Variants in ATF6 observed in about 807,000 individuals in gnomAD.
The protein encoded by ATF6 is activating transcription factor 6.
Under a neutral mutation model 83.6 loss-of-function variants are expected in ATF6, and 53 were observed. The observed-to-expected ratio is 0.63, with a 90% confidence interval of 0.51 to 0.80. The LOEUF is 0.80. Ranked by LOEUF, ATF6 falls within the 30% of genes least tolerant of loss-of-function variation. The pLI, the probability that ATF6 is intolerant of heterozygous loss-of-function variation, is 0.00. For synonymous variants in ATF6, 288 were observed against 285.8 expected (o/e 1.01, Z -0.08); for missense variants, 744 against 797.9 (o/e 0.93, Z 0.81).
At chr1:161,922,220 T>A (rs1033063769) in intron 15 of ATF6, among the ~76,000 whole-genome samples, 1 of 152,236 alleles carries the variant, frequency 6.6e-6, no homozygotes, top group Non-Finnish European at 1.5e-5. Context: ...GAACCAGCGG[T>A]GGATTTTCAG....
chr1:161,812,665 C>G (rs1022787308), intron 7 of ATF6, among the ~76,000 whole-genome samples: 32 of 151,876 alleles, frequency 2.1e-4, no homozygotes, highest in African/African-American at 7.2e-4. Context: ...GTGCTGGGAT[C>G]ACAGGCGTGA....
chr1:161,942,225 A>T (rs1329114797), intron 15 of ATF6, among the ~76,000 whole-genome samples: 1 of 152,236 alleles, frequency 6.6e-6, no homozygotes, highest in Non-Finnish European at 1.5e-5. Flanking sequence ...ACAGGAAAAC[A>T]GCAATCATTG....
At chr1:161,864,725 G>T (rs1212478121) in intron 14 of ATF6, among the ~76,000 whole-genome samples, 1 of 152,166 alleles carries the variant, frequency 6.6e-6, no homozygotes, top group Admixed American at 6.5e-5. Flanking sequence ...GACATAACTG[G>T]TATGTTTCTG....
chr1:161,914,094 A>T (rs1446607591), intron 15 of ATF6, among the ~76,000 whole-genome samples: 1 of 152,206 alleles, frequency 6.6e-6, no homozygotes, highest in African/African-American at 2.4e-5. Context: ...TAGTCTTTTT[A>T]AAAACTTCCC....
At chr1:161,923,020 A>G (rs1558026918) in intron 15 of ATF6, among the ~76,000 whole-genome samples, 1 of 152,060 alleles carries the variant, frequency 6.6e-6, no homozygotes, top group Non-Finnish European at 1.5e-5. Flanking sequence ...CCTCCAGGCT[A>G]TCTCCTACCC....
At chr1:161,904,779 C>T (rs1411013740) in intron 14 of ATF6, among the ~76,000 whole-genome samples, 1 of 152,118 alleles carries the variant, frequency 6.6e-6, no homozygotes, top group Non-Finnish European at 1.5e-5. Context: ...TATATAGTAT[C>T]ATACCTCCAT....
At chr1:161,778,199 TAATTG>T in intron 1 of ATF6, 40 bp from the exon 2 acceptor site, 2 of 1,516,526 alleles carry the variant, frequency 1.3e-6, no homozygotes, top group Non-Finnish European at 9.1e-7. Flanking sequence ...CTTTGTCAAA[TAATTG>T]AATTGACAGT....
intron 14 of ATF6, among the ~76,000 whole-genome samples, chr1:161,909,488 G>A (rs901836911): frequency 2.0e-5 from 3 of 151,460 alleles, no homozygotes; most frequent in African/African-American, 7.3e-5. Flanking sequence ...CTATTTTAAT[G>A]TTACAGAGGA....
intron 15 of ATF6, among the ~76,000 whole-genome samples, chr1:161,938,148 G>T (rs778379428): frequency 6.6e-6 from 1 of 152,102 alleles, no homozygotes; most frequent in Non-Finnish European, 1.5e-5. Flanking sequence ...TAGGGCCTTT[G>T]CATCTACTGT....
At chr1:161,864,562 G>A (rs1205614411) in intron 14 of ATF6, among the ~76,000 whole-genome samples, 2 of 152,166 alleles carry the variant, frequency 1.3e-5, no homozygotes, top group Non-Finnish European at 2.9e-5. Context: ...TTTAGGACCA[G>A]AGAACTTTGA....
intron 14 of ATF6, among the ~76,000 whole-genome samples, chr1:161,911,432 A>G (rs1687989929): frequency 6.6e-6 from 1 of 152,138 alleles, no homozygotes. Flanking sequence ...AAACACTTAT[A>G]CTCTGCCTTT....
At chr1:161,945,396 CTTGGGTTAAAGGCAGTTCTAT>C (rs1276424662) in intron 15 of ATF6, among the ~76,000 whole-genome samples, 2 of 152,164 alleles carry the variant, frequency 1.3e-5, no homozygotes, top group African/African-American at 4.8e-5. Flanking sequence ...TATATCTGCA[CTTGGGTTAAAGGCAGTTCTAT>C]TAATTTCTTT....
At chr1:161,939,446 T>C (rs1258659844) in intron 15 of ATF6, among the ~76,000 whole-genome samples, 2 of 152,216 alleles carry the variant, frequency 1.3e-5, no homozygotes, top group African/African-American at 4.8e-5. Context: ...GGTGATCTTA[T>C]TCAATCACAT....
At chr1:161,918,836 G>T (rs1688149689) in intron 15 of ATF6, among the ~76,000 whole-genome samples, 2 of 152,184 alleles carry the variant, frequency 1.3e-5, no homozygotes, top group Non-Finnish European at 2.9e-5. Context: ...CAGAAATTCA[G>T]ATTTTATTGA....
intron 1 of ATF6, among the ~76,000 whole-genome samples, chr1:161,768,448 A>C (rs4657101): frequency 0.23 from 35,432 of 152,096 alleles, 4,526 homozygotes; most frequent in Admixed American, 0.37. Flanking sequence ...TTCAGTAAGT[A>C]GGATAGATTT....
chr1:161,854,782 G>T (rs1686721255), intron 12 of ATF6, among the ~76,000 whole-genome samples: 1 of 152,066 alleles, frequency 6.6e-6, no homozygotes, highest in Admixed American at 6.5e-5. Flanking sequence ...TGAGGCAGGA[G>T]AATGGCATGA....
In ATF6 at chr1:161,792,293, A is replaced by T; in HGVS notation, c.654A>T (p.Gln218His). ...CGCTTATGCCATTGGCAAAGCAGCA[A>T]CCAATTATCAGTTTACAACCTGCAC... is the stretch of plus-strand genomic sequence containing the variant. ...VPTLMPLAKQ[Q>H]PIISLQPAPT... Residue 218 changes from glutamine (Q) to histidine (H), a missense_variant, in exon 6 of 16, where the codon CAA (glutamine) becomes CAT (histidine). Transcript: ENST00000367942. The T allele has an allele frequency of 6.2e-7, 1 of 1,614,070 alleles. No individual in the cohort carries two copies. Among genetic ancestry groups the T allele is most frequent in the South Asian group, 1.1e-5 (1 of 91,082 alleles).
chr1:161,825,118 C>G (rs1192090908), intron 9 of ATF6, among the ~76,000 whole-genome samples: 1 of 152,076 alleles, frequency 6.6e-6, no homozygotes, highest in Non-Finnish European at 1.5e-5. Flanking sequence ...CTCTGTTGCC[C>G]AGGCTGGAGT....
chr1:161,860,822 C>A (rs565289990), intron 13 of ATF6, among the ~76,000 whole-genome samples: 1 of 152,168 alleles, frequency 6.6e-6, no homozygotes, highest in Non-Finnish European at 1.5e-5. Context: ...ATGCATTTTT[C>A]ACTACACAAT....
Sources: gnomAD v4.1 joint callset for allele counts (sites outside exome capture counted in the v4.1 genomes callset) on GRCh38, gnomAD v4.1.1 for gene constraint, MANE v1.5 for transcripts, NCBI Gene and HGNC (gene_info 2026-07-23, HGNC 2026-07-21) for gene names.